Variants in KHDRBS2 observed in about 807,000 individuals in gnomAD.
KHDRBS2 encodes KH domain-containing, RNA-binding, signal transduction-associated protein 2.
In KHDRBS2, 26 loss-of-function variants were observed where a neutral mutation model predicts 44.3. The observed-to-expected ratio is 0.59, with a 90% CI of 0.43 to 0.81. The LOEUF is 0.81. Ranked by LOEUF, KHDRBS2 falls within the 40% of genes least tolerant of loss-of-function variation. The probability of loss-of-function intolerance (pLI) is 0.00; values close to 1 mark genes in which losing one functional copy is unlikely to be tolerated. For missense variants in KHDRBS2, 476 were observed against 433.1 expected (o/e 1.10, Z -0.88); for synonymous variants, 194 against 151.1 (o/e 1.28, Z -2.08).
intron 6 of KHDRBS2, among the ~76,000 whole-genome samples, chr6:61,770,863 C>A (rs1315076553): frequency 1.3e-5 from 2 of 152,142 alleles, no homozygotes; most frequent in Non-Finnish European, 2.9e-5. Context: ...TCGAGAAGAG[C>A]AACTCCAAGA....
At chr6:62,133,060 T>C (rs979448570) in intron 2 of KHDRBS2, among the ~76,000 whole-genome samples, 1 of 152,156 alleles carries the variant, frequency 6.6e-6, no homozygotes, top group Non-Finnish European at 1.5e-5. Context: ...AGACAATACA[T>C]ATACAAACGG....
intron 2 of KHDRBS2, among the ~76,000 whole-genome samples, chr6:62,136,913 A>T (rs1584905751): frequency 7.0e-6 from 1 of 142,018 alleles, no homozygotes. Context: ...TTTGAAATGT[A>T]TTCCTCCTCT....
At chr6:61,901,882 C>T (rs915057481) in intron 4 of KHDRBS2, among the ~76,000 whole-genome samples, 2 of 152,140 alleles carry the variant, frequency 1.3e-5, no homozygotes, top group East Asian at 1.9e-4. Context: ...TATGTCCCTG[C>T]TTCAGACAAC....
chr6:61,765,511 T>C (rs1011355857), intron 6 of KHDRBS2, among the ~76,000 whole-genome samples: 8 of 152,172 alleles, frequency 5.3e-5, no homozygotes, highest in Non-Finnish European at 4.4e-5. Context: ...CTACATTCTT[T>C]TTTTATTTTT....
chr6:61,816,636 A>G (rs558624632), intron 6 of KHDRBS2: 2 of 451,204 alleles, frequency 4.4e-6, no homozygotes, highest in Non-Finnish European at 8.9e-6. Flanking sequence ...TCGTTATCAC[A>G]ATGCTATGAA....
At chr6:61,637,662 T>G in the KHDRBS2 span, among the ~76,000 whole-genome samples, 1 of 152,058 alleles carries the variant, frequency 6.6e-6, no homozygotes, top group African/African-American at 2.4e-5. Context: ...AGTGTAAAAG[T>G]GTTCCTATTT....
chr6:62,066,050 C>A (rs1255398575), intron 2 of KHDRBS2, among the ~76,000 whole-genome samples: 1 of 151,580 alleles, frequency 6.6e-6, no homozygotes, highest in East Asian at 2.0e-4. Context: ...TATTCAAAGA[C>A]ACGTCTTTGC....
At chr6:62,119,463 T>A (rs1807082552) in intron 2 of KHDRBS2, among the ~76,000 whole-genome samples, 1 of 152,066 alleles carries the variant, frequency 6.6e-6, no homozygotes, top group African/African-American at 2.4e-5. Flanking sequence ...CTCCTGTAGA[T>A]AAAGGGCTGA....
intron 6 of KHDRBS2, among the ~76,000 whole-genome samples, chr6:61,794,439 T>C (rs1226328477): frequency 6.6e-6 from 1 of 152,240 alleles, no homozygotes; most frequent in Non-Finnish European, 1.5e-5. Context: ...GCCAGCTGTA[T>C]TTTAAGCTAC....
the KHDRBS2 span, among the ~76,000 whole-genome samples, chr6:61,672,092 G>A: frequency 8.5e-5 from 12 of 140,420 alleles, no homozygotes; most frequent in African/African-American, 1.8e-4. Flanking sequence ...GAGAATATGC[G>A]GTGTTTGGTT....
At chr6:61,833,678 T>C (rs1792191991) in intron 6 of KHDRBS2, among the ~76,000 whole-genome samples, 1 of 152,156 alleles carries the variant, frequency 6.6e-6, no homozygotes, top group South Asian at 2.1e-4. Flanking sequence ...CTTGAAAAGC[T>C]CTTCCAAGGG....
chr6:61,812,076 T>C (rs184855606), intron 6 of KHDRBS2, among the ~76,000 whole-genome samples: 15 of 152,218 alleles, frequency 9.9e-5, no homozygotes, highest in Admixed American at 5.9e-4. Flanking sequence ...GGATTCTGTA[T>C]ACATTTTCTT....
chr6:62,235,481 CTTTTAA>C (rs1169912874), intron 1 of KHDRBS2, among the ~76,000 whole-genome samples: 2 of 152,026 alleles, frequency 1.3e-5, no homozygotes, highest in African/African-American at 2.4e-5. Context: ...ATTTTGTTTC[CTTTTAA>C]TTTTATCTTC....
the KHDRBS2 span, among the ~76,000 whole-genome samples, chr6:61,672,616 A>T: frequency 6.6e-6 from 1 of 151,774 alleles, no homozygotes; most frequent in Admixed American, 6.6e-5. Context: ...GCATTTTTTC[A>T]TGTGTCTTTT....
chr6:61,756,287 C>A (rs372135083), intron 6 of KHDRBS2, among the ~76,000 whole-genome samples: 51 of 151,764 alleles, frequency 3.4e-4, no homozygotes, highest in African/African-American at 1.1e-3. Flanking sequence ...GATGGAATCC[C>A]GCTCTGTTGC....
chr6:61,987,652 C>T (rs1775306273), intron 3 of KHDRBS2, among the ~76,000 whole-genome samples: 1 of 152,080 alleles, frequency 6.6e-6, no homozygotes, highest in Non-Finnish European at 1.5e-5. Flanking sequence ...TCTGAATCCC[C>T]AATTTAAAGA....
chr6:61,748,937 C>T (rs866488024), intron 6 of KHDRBS2, among the ~76,000 whole-genome samples: 1 of 151,220 alleles, frequency 6.6e-6, no homozygotes, highest in South Asian at 2.1e-4. Context: ...GACCAAGGAA[C>T]TGAATTTTAA....
At chr6:61,749,179 A>T in intron 6 of KHDRBS2, among the ~76,000 whole-genome samples, 1 of 151,220 alleles carries the variant, frequency 6.6e-6, no homozygotes, top group South Asian at 2.1e-4. Flanking sequence ...TGCCCGGCTA[A>T]TTTTTTTGTA....
intron 6 of KHDRBS2, among the ~76,000 whole-genome samples, chr6:61,784,842 A>G (rs1783535540): frequency 6.6e-6 from 1 of 152,176 alleles, no homozygotes; most frequent in African/African-American, 2.4e-5. Context: ...TACAAATTTT[A>G]CAAGCTTTTA....
Sources: allele counts gnomAD v4.1 joint callset (sites outside exome capture counted in the v4.1 genomes callset), GRCh38; gene constraint gnomAD v4.1.1; transcripts MANE v1.5; gene names NCBI Gene and HGNC (gene_info 2026-07-23, HGNC 2026-07-21).